Variants in PHYHIPL observed in about 807,000 individuals in gnomAD.
PHYHIPL encodes phytanoyl-CoA 2-hydroxylase interacting protein like.
In PHYHIPL, 9 loss-of-function variants were observed where a neutral mutation model predicts 33.4. That is an observed-to-expected ratio of 0.27 (90% CI 0.16 to 0.47). The LOEUF (loss-of-function observed/expected upper bound fraction) is 0.47. Among genes scored for constraint, PHYHIPL ranks in the 20% least tolerant of loss-of-function variants. The probability of loss-of-function intolerance (pLI) is 0.99; values close to 1 mark genes in which losing one functional copy is unlikely to be tolerated. For missense variants in PHYHIPL, 365 were observed against 460.7 expected (o/e 0.79, Z 1.90); for synonymous variants, 153 against 154.1 (o/e 0.99, Z 0.05).
intron 1 of PHYHIPL, among the ~76,000 whole-genome samples, chr10:59,188,939 A>T (rs1038460650): frequency 4.6e-5 from 7 of 152,092 alleles, no homozygotes; most frequent in Non-Finnish European, 5.9e-5. Context: ...CTTCATATAA[A>T]TAAGTTTAGA....
intron 1 of PHYHIPL, among the ~76,000 whole-genome samples, chr10:59,216,838 A>G (rs887794124): frequency 5.3e-5 from 8 of 152,252 alleles, no homozygotes; most frequent in South Asian, 2.1e-4. Context: ...ATAAATTTAC[A>G]TATGTATGCA....
chr10:59,191,999 A>G (rs1838795855), intron 1 of PHYHIPL, among the ~76,000 whole-genome samples: 1 of 152,072 alleles, frequency 6.6e-6, no homozygotes, highest in African/African-American at 2.4e-5. Flanking sequence ...CTTACCTACA[A>G]CTAATTGAAC....
intron 1 of PHYHIPL, among the ~76,000 whole-genome samples, chr10:59,199,310 G>C (rs1374144544): frequency 6.6e-6 from 1 of 152,144 alleles, no homozygotes; most frequent in Non-Finnish European, 1.5e-5. Context: ...TTATTAAATA[G>C]GGAATCCTTT....
intron 1 of PHYHIPL, among the ~76,000 whole-genome samples, chr10:59,220,763 G>T (rs1173827084): frequency 6.6e-6 from 1 of 152,016 alleles, no homozygotes; most frequent in African/African-American, 2.4e-5. Flanking sequence ...GTACTTGAAT[G>T]CCAGGCCTCT....
In PHYHIPL at chr10:59,246,944, A is replaced by G. The variant is rs992582068; in HGVS notation, c.*1353A>G. On this transcript the variant is annotated 3_prime_UTR_variant, in exon 5 of 5. Coordinates refer to ENST00000373880, the MANE Select transcript of PHYHIPL (RefSeq NM_032439.4). ...CATCTGTCAGTTATAGACAAAGATA[A>G]TAATTCACAAAGTACATGCTATCAG... is the stretch of plus-strand genomic sequence containing the variant. The G allele has an allele frequency of 4.0e-6, 1 of 252,172 alleles. No homozygotes were observed. Among genetic ancestry groups the G allele is most frequent in the Non-Finnish European group, 7.4e-6 (1 of 134,728 alleles). The allele number at this position is 252,172 out of a possible 1,614,324, so 15.6% of individuals were successfully genotyped here. A position where few individuals can be genotyped will look rare whatever the true frequency, so the allele number is the denominator to read the frequency against.
At chr10:59,196,022 A>G (rs1379822003) in intron 1 of PHYHIPL, among the ~76,000 whole-genome samples, 1 of 152,142 alleles carries the variant, frequency 6.6e-6, no homozygotes, top group Non-Finnish European at 1.5e-5. Flanking sequence ...TATGTGCATG[A>G]GGTACATGTG....
intron 1 of PHYHIPL, among the ~76,000 whole-genome samples, chr10:59,225,396 G>T (rs1839898053): frequency 6.6e-6 from 1 of 151,794 alleles, no homozygotes; most frequent in South Asian, 2.1e-4. Context: ...ACTTCACTTG[G>T]AATTTTCCTT....
At chr10:59,244,140 T>C (rs1237807427) in intron 4 of PHYHIPL, among the ~76,000 whole-genome samples, 3 of 152,092 alleles carry the variant, frequency 2.0e-5, no homozygotes, top group Non-Finnish European at 4.4e-5. Flanking sequence ...AACTGAATGC[T>C]AGAGTCCCAG....
upstream of PHYHIPL, among the ~76,000 whole-genome samples, chr10:59,174,635 G>A (rs1658740143): frequency 6.6e-6 from 1 of 152,204 alleles, no homozygotes; most frequent in Non-Finnish European, 1.5e-5. Flanking sequence ...TACACTTCTT[G>A]AAACATTACC....
chr10:59,174,745 T>C (rs2133165046), upstream of PHYHIPL, among the ~76,000 whole-genome samples: 1 of 152,312 alleles, frequency 6.6e-6, no homozygotes, highest in East Asian at 1.9e-4. Flanking sequence ...GATAAAATCA[T>C]TTTGGAGATC....
chr10:59,236,432 CCTCT>C (rs765384613), intron 2 of PHYHIPL, 47 bp from the exon 3 acceptor site: 3 of 1,198,944 alleles, frequency 2.5e-6, no homozygotes, highest in Non-Finnish European at 3.4e-6. Flanking sequence ...TTCCTTCGTC[CCTCT>C]CTGTCTCCCC....
In PHYHIPL at chr10:59,207,952, C is replaced by A. The variant is rs114941998; in HGVS notation, c.107-26352C>A. Among the ~76,000 whole-genome samples the A allele has an allele frequency of 9.3e-3, 1,415 of 151,916 alleles. 25 individuals are homozygous for A. The highest frequency in any genetic ancestry group is 0.032 in the African/African-American group (1,325 of 41,432). On this transcript the variant is annotated intron_variant, in intron 1 of 4. Coordinates refer to ENST00000373880, the MANE Select transcript of PHYHIPL (RefSeq NM_032439.4). The stretch of plus-strand genomic sequence containing the variant: ...GGCTTATAGGTAAAACTCCCATCTG[C>A]CTGGGGCAGAGCACCTGGGGGAAGG...
intron 1 of PHYHIPL, among the ~76,000 whole-genome samples, chr10:59,203,328 A>G (rs1839182842): frequency 2.6e-5 from 4 of 152,314 alleles, no homozygotes; most frequent in African/African-American, 9.6e-5. Context: ...GGGACTGTAA[A>G]CTAGTTCAAC....
At chr10:59,175,669 A>T (rs1838236294), upstream of PHYHIPL, among the ~76,000 whole-genome samples, 1 of 152,232 alleles carries the variant, frequency 6.6e-6, no homozygotes, top group African/African-American at 2.4e-5. Flanking sequence ...CACTAAGTGC[A>T]CTGCAGAATC....
chr10:59,202,292 A>G (rs183012345), intron 1 of PHYHIPL, among the ~76,000 whole-genome samples: 2 of 152,280 alleles, frequency 1.3e-5, no homozygotes, highest in Admixed American at 1.3e-4. Flanking sequence ...ACCGTTATGC[A>G]TATATTATCC....
chr10:59,192,573 T>C (rs557042252), intron 1 of PHYHIPL, among the ~76,000 whole-genome samples: 1 of 152,224 alleles, frequency 6.6e-6, no homozygotes, highest in South Asian at 2.1e-4. Flanking sequence ...CTGACATCCA[T>C]TGGATGAATG....
chr10:59,227,791 A>T (rs926362431), intron 1 of PHYHIPL, among the ~76,000 whole-genome samples: 1 of 152,100 alleles, frequency 6.6e-6, no homozygotes, highest in African/African-American at 2.4e-5. Context: ...TTTAAGTCAG[A>T]ACTCTTTGCT....
intron 4 of PHYHIPL, among the ~76,000 whole-genome samples, chr10:59,244,606 C>G (rs919255926): frequency 4.8e-5 from 5 of 104,936 alleles, no homozygotes; most frequent in African/African-American, 1.2e-4. Flanking sequence ...AAACACAACG[C>G]TTTTGTGCCA....
Position 59,246,436 on chromosome 10 carries a change from T to G in PHYHIPL, c.*845T>G. The G allele has an allele frequency of 2.7e-6, 1 of 368,046 alleles. No individual in the cohort carries two copies. Among genetic ancestry groups the G allele is most frequent in the Non-Finnish European group, 4.8e-6 (1 of 206,794 alleles). 22.8% of individuals were successfully genotyped at this position (368,046 alleles called of 1,614,324 possible). ...TCTGAAATAGTCAATAGTCTTCCCA[T>G]CCAAACTATAAGAGAATGTGAATTT... On this transcript the variant is annotated 3_prime_UTR_variant, in exon 5 of 5. Transcript: ENST00000373880.
Sources: gnomAD v4.1 joint callset for allele counts (sites outside exome capture counted in the v4.1 genomes callset) on GRCh38, gnomAD v4.1.1 for gene constraint, MANE v1.5 for transcripts, NCBI Gene and HGNC (gene_info 2026-07-23, HGNC 2026-07-21) for gene names.